POR: variants seen among roughly 807,000 people sequenced by gnomAD.
POR encodes the protein NADPH--cytochrome P450 reductase.
A neutral mutation model predicts 84.0 loss-of-function variants in POR; 56 were observed. The ratio of observed to expected loss-of-function variants is 0.67; its 90% CI spans 0.54 to 0.83. POR has a LOEUF of 0.83. Ranked by LOEUF, POR falls within the 40% of genes least tolerant of loss-of-function variation. POR has a pLI of 0.00. For missense variants in POR, 938 were observed against 944.3 expected (o/e 0.99, Z 0.09); for synonymous variants, 414 against 400.5 (o/e 1.03, Z -0.40).
chr7:75,984,987 G>C (rs72557933), intron 11 of POR, 29 bp downstream of exon 11: 1 of 1,574,568 alleles, frequency 6.4e-7, no homozygotes, highest in Non-Finnish European at 8.6e-7. Flanking sequence ...CGCAACCTCC[G>C]CCCCGTCACC....
intron 1 of POR, chr7:75,947,240 G>A (rs1554552231): frequency 6.6e-6 from 1 of 152,216 alleles, no homozygotes; most frequent in African/African-American, 2.4e-5. Context: ...GATCTGTCCA[G>A]ACAGGTACAC....
intron 1 of POR, among the ~76,000 whole-genome samples, chr7:75,948,744 C>T (rs938110465): frequency 5.9e-5 from 9 of 152,204 alleles, no homozygotes; most frequent in African/African-American, 2.2e-4. Flanking sequence ...TCATTATATG[C>T]CAGTCTGTGA....
chr7:75,918,104 C>T (rs1240788397), intron 1 of POR, among the ~76,000 whole-genome samples: 3 of 151,998 alleles, frequency 2.0e-5, no homozygotes, highest in East Asian at 1.9e-4. Flanking sequence ...GTCAGGAGTT[C>T]GAGACCAGCC....
chr7:75,950,244 G>T (rs1787354796), intron 1 of POR, among the ~76,000 whole-genome samples: 1 of 152,180 alleles, frequency 6.6e-6, no homozygotes, highest in African/African-American at 2.4e-5. Context: ...TTCTCTTGCG[G>T]TGATTACGTA....
chr7:75,972,536 G>C (rs782026654), intron 3 of POR, 75 bp downstream of exon 3: 1 of 1,384,060 alleles, frequency 7.2e-7, no homozygotes, highest in Non-Finnish European at 1.0e-6. Context: ...TCTAGCAGAC[G>C]GCTGGCGTCA....
At chr7:75,982,200 T>G (rs782456473) in intron 7 of POR, 24 bp from the exon 8 acceptor site, 1 of 1,590,838 alleles carries the variant, frequency 6.3e-7, no homozygotes, top group South Asian at 1.1e-5. Context: ...CTTCCCGGCC[T>G]CACCCTTGGT....
chr7:75,983,290 G>A (rs555840260), intron 8 of POR: 24 of 477,060 alleles, frequency 5.0e-5, no homozygotes, highest in South Asian at 9.8e-5. Flanking sequence ...GCAGTGAGCC[G>A]AGATCGCGCC....
intron 1 of POR, among the ~76,000 whole-genome samples, chr7:75,933,968 G>GT (rs782331445): frequency 0.022 from 3,131 of 141,160 alleles, 30 homozygotes; most frequent in Middle Eastern, 0.027. Flanking sequence ...GGCAAGGACA[G>GT]TTTTTTTTTT....
intron 1 of POR, among the ~76,000 whole-genome samples, chr7:75,948,573 C>T (rs1458837676): frequency 1.3e-5 from 2 of 152,234 alleles, no homozygotes; most frequent in Non-Finnish European, 2.9e-5. Context: ...GGAATAGAGT[C>T]AGCCTCACAG....
At chr7:75,980,780 C>T in intron 5 of POR, 3 of 1,399,150 alleles carry the variant, frequency 2.1e-6, no homozygotes, top group Admixed American at 2.4e-5. Context: ...GCTGGAGCCC[C>T]AGCCCGGTGG....
At chr7:75,955,820 G>A (rs1787661608) in intron 2 of POR, among the ~76,000 whole-genome samples, 1 of 152,188 alleles carries the variant, frequency 6.6e-6, no homozygotes, top group Non-Finnish European at 1.5e-5. Flanking sequence ...AAGCCACACA[G>A]AAAAGTCATT....
At chr7:75,929,253 G>C (rs1217608315) in intron 1 of POR, among the ~76,000 whole-genome samples, 1 of 152,020 alleles carries the variant, frequency 6.6e-6, no homozygotes, top group African/African-American at 2.4e-5. Flanking sequence ...ACCTAGAGTT[G>C]GTGCTCAGTA....
intron 1 of POR, among the ~76,000 whole-genome samples, chr7:75,949,819 C>T (rs2116388522): frequency 6.6e-6 from 1 of 151,856 alleles, no homozygotes; most frequent in South Asian, 2.1e-4. Flanking sequence ...CGTGCCCAGC[C>T]CATCTCAGGG....
intron 2 of POR, among the ~76,000 whole-genome samples, chr7:75,967,644 C>CT (rs11387286): frequency 0.34 from 49,508 of 146,148 alleles, 8,342 homozygotes; most frequent in Middle Eastern, 0.45. Context: ...ACATGACTTC[C>CT]TTTTTTTTTT....
chr7:75,981,078 C>A lies in POR; in HGVS notation c.547C>A (p.His183Asn). 1 of 1,574,780 alleles carries A rather than the reference C, an allele frequency of 6.4e-7. No homozygotes were observed. Among genetic ancestry groups the A allele is most frequent in the Admixed American group, 1.8e-5 (1 of 54,630 alleles). The change falls in exon 6 of 16, where the codon CAC (histidine) becomes AAC (asparagine). Residue 183 changes from histidine (H) to asparagine (N), a missense_variant. Coordinates refer to ENST00000461988, the MANE Select transcript of POR (RefSeq NM_000941.3). ...TGGTCTTGGGAACAAGACCTACGAG[C>A]ACTTCAATGCCATGGGCAAGTACGT...
intron 10 of POR, 25 bp from the exon 11 acceptor site, chr7:75,984,752 A>G (rs375956892): frequency 1.2e-6 from 2 of 1,609,676 alleles, no homozygotes; most frequent in African/African-American, 2.7e-5. Flanking sequence ...GCCTACCCCA[A>G]GTCCTGCCTG....
At chr7:75,974,524 C>CTTTTTTTTTTTTTTTTTTTTTTT (rs1238804117) in intron 3 of POR, among the ~76,000 whole-genome samples, 25 of 107,888 alleles carry the variant, frequency 2.3e-4, no homozygotes, top group East Asian at 5.6e-4. Flanking sequence ...TTTTTCTTTT[C>CTTTTTTTTTTTTTTTTTTTTTTT]TTTTTTTTTT....
At chr7:75,951,056 C>A in intron 1 of POR, among the ~76,000 whole-genome samples, 1 of 43,306 alleles carries the variant, frequency 2.3e-5, no homozygotes, top group African/African-American at 9.2e-5. Flanking sequence ...GAGGCTCTGT[C>A]CCCCGGCCCC....
In POR at chr7:75,948,011, C is replaced by A. The variant is rs1189267337; in HGVS notation, c.-4-5978C>A. ...CTCCAAGCTTAACCTCCTTGAGAGG[C>A]CTTCCTTTCGCACCGCATGCCAGAC... On this transcript the variant is annotated intron_variant, in intron 1 of 15. Transcript: ENST00000461988. 4.6e-5 allele frequency among the ~76,000 whole-genome samples: 7 copies of A among 152,304 alleles called. No homozygotes were observed. In the East Asian group the frequency reaches 1.2e-3, roughly 25 times the overall value.
Sources: allele counts gnomAD v4.1 joint callset (sites outside exome capture counted in the v4.1 genomes callset), GRCh38; gene constraint gnomAD v4.1.1; transcripts MANE v1.5; gene names NCBI Gene and HGNC (gene_info 2026-07-23, HGNC 2026-07-21).